EDA: variants seen among roughly 807,000 people sequenced by gnomAD.
EDA encodes the protein ectodysplasin A.
A neutral mutation model predicts 23.6 loss-of-function variants in EDA; 2 were observed. The observed-to-expected ratio is 0.08, with a 90% CI of 0.03 to 0.27. EDA has a LOEUF of 0.27. EDA is among the 10% of genes least tolerant of loss of function. EDA has a pLI of 1.00. For missense variants in EDA, 229 were observed against 324.2 expected (o/e 0.71, Z 2.26); for synonymous variants, 131 against 132.0 (o/e 0.99, Z 0.05).
intron 1 of EDA, among the ~76,000 whole-genome samples, chrX:69,702,070 G>A (rs1169074264): frequency 9.0e-6 from 1 of 111,646 alleles, no homozygotes; most frequent in Non-Finnish European, 1.9e-5. Context: ...ATAAGAGGTA[G>A]GGTCTTCTGG....
chrX:69,977,197 G>A (rs902761045), intron 2 of EDA, among the ~76,000 whole-genome samples: 10 of 111,941 alleles, frequency 8.9e-5, no homozygotes, highest in African/African-American at 3.2e-4. Context: ...TCCTTTTGCA[G>A]GGAAATGGCA....
intron 1 of EDA, among the ~76,000 whole-genome samples, chrX:69,658,453 C>T (rs769705472): frequency 2.2e-4 from 24 of 111,000 alleles, no homozygotes; most frequent in African/African-American, 7.5e-4. Context: ...ATTTGACTTA[C>T]TCTTTTTCTA....
chrX:69,635,566 C>CTTTTTTTTTTTT (rs138087284), intron 1 of EDA, among the ~76,000 whole-genome samples: 2 of 63,465 alleles, frequency 3.2e-5, no homozygotes, highest in African/African-American at 7.4e-5. Flanking sequence ...AACACCAAAT[C>CTTTTTTTTTTTT]TTTTTTTTTT....
intron 1 of EDA, among the ~76,000 whole-genome samples, chrX:69,736,282 G>T (rs1273163169): frequency 9.0e-6 from 1 of 111,136 alleles, no homozygotes; most frequent in Non-Finnish European, 1.9e-5. Flanking sequence ...TCCGGCCTGG[G>T]CAACAAGAGC....
intron 1 of EDA, among the ~76,000 whole-genome samples, chrX:69,634,674 T>TG (rs201418517): frequency 0.06 from 6,592 of 109,404 alleles, 201 homozygotes; most frequent in Non-Finnish European, 0.089. Flanking sequence ...GGCTTTCTTA[T>TG]TTTTTTTTCC....
chrX:69,791,833 G>A (rs1015622631), intron 1 of EDA, among the ~76,000 whole-genome samples: 2 of 111,293 alleles, frequency 1.8e-5, no homozygotes, highest in Non-Finnish European at 3.8e-5. Flanking sequence ...TAGTAGAGAC[G>A]GGGTTTCTCC....
intron 3 of EDA, 33 bp downstream of exon 3, chrX:70,023,274 G>T (rs1371323579): frequency 9.6e-7 from 1 of 1,040,272 alleles, no homozygotes; most frequent in Non-Finnish European, 1.3e-6. Context: ...TTGCTGTCTT[G>T]TCATATATTT....
intron 1 of EDA, among the ~76,000 whole-genome samples, chrX:69,642,599 A>G (rs1013484482): frequency 3.6e-5 from 4 of 111,519 alleles, no homozygotes; most frequent in African/African-American, 9.7e-5. Context: ...AAAGCTTTGA[A>G]TTATTATTAT....
intron 1 of EDA, among the ~76,000 whole-genome samples, chrX:69,827,773 G>A (rs185009646): frequency 1.3e-4 from 15 of 111,735 alleles, no homozygotes; most frequent in African/African-American, 4.2e-4. Flanking sequence ...GAGGAGAGGC[G>A]CTCTGCTTTT....
At chrX:69,975,550 A>G (rs766336344) in intron 2 of EDA, among the ~76,000 whole-genome samples, 1 of 111,215 alleles carries the variant, frequency 9.0e-6, no homozygotes, top group Non-Finnish European at 1.9e-5. Flanking sequence ...GATGGAATCA[A>G]TTTTGCTACA....
chrX:69,858,706 T>C (rs1353625999), intron 1 of EDA, among the ~76,000 whole-genome samples: 2 of 112,306 alleles, frequency 1.8e-5, no homozygotes, highest in Non-Finnish European at 3.8e-5. Context: ...TTTGATGTTA[T>C]CTCTGTCAGG....
At chrX:69,785,776 C>T (rs1217530922) in intron 1 of EDA, among the ~76,000 whole-genome samples, 1 of 105,511 alleles carries the variant, frequency 9.5e-6, no homozygotes, top group Non-Finnish European at 2.0e-5. Context: ...TGTCTCTGCC[C>T]GGCTTTGGTA....
At chrX:69,672,203 G>A (rs994995919) in intron 1 of EDA, among the ~76,000 whole-genome samples, 5 of 111,250 alleles carry the variant, frequency 4.5e-5, no homozygotes, top group Non-Finnish European at 9.4e-5. Context: ...TTAGAGTTGT[G>A]GGGGGGACTT....
At chrX:69,691,158 G>A (rs904972050) in intron 1 of EDA, among the ~76,000 whole-genome samples, 1 of 111,902 alleles carries the variant, frequency 8.9e-6, no homozygotes, top group African/African-American at 3.2e-5. Context: ...CTGACAGTGT[G>A]TTCCTGGCCA....
intron 2 of EDA, among the ~76,000 whole-genome samples, chrX:69,966,902 T>C (rs1320679917): frequency 1.8e-5 from 2 of 109,315 alleles, no homozygotes; most frequent in African/African-American, 6.6e-5. Flanking sequence ...TAGAGAAAGA[T>C]TTTAACATAT....
intron 1 of EDA, among the ~76,000 whole-genome samples, chrX:69,823,059 G>T (rs768052260): frequency 1.0e-5 from 1 of 97,814 alleles, no homozygotes. Flanking sequence ...GTATTCCATG[G>T]TGTATATGTG....
At chrX:69,968,700 T>C (rs746101285) in intron 2 of EDA, among the ~76,000 whole-genome samples, 34 of 112,444 alleles carry the variant, frequency 3.0e-4, no homozygotes, top group Middle Eastern at 4.2e-3. Context: ...TGTATAATGG[T>C]TCTTAACACT....
At chrX:69,851,185 A>C (rs866276309) in intron 1 of EDA, among the ~76,000 whole-genome samples, 1 of 67,005 alleles carries the variant, frequency 1.5e-5, no homozygotes, top group Admixed American at 1.6e-4. Flanking sequence ...GTGTGTGTGC[A>C]CGTGTGTGTA....
At chrX:69,746,742 G>A (rs749873025) in intron 1 of EDA, among the ~76,000 whole-genome samples, 19 of 110,620 alleles carry the variant, frequency 1.7e-4, no homozygotes, top group African/African-American at 4.6e-4. Context: ...TTTGCCCTCC[G>A]CACCAAAATA....
Sources: allele counts gnomAD v4.1 joint callset (sites outside exome capture counted in the v4.1 genomes callset), GRCh38; gene constraint gnomAD v4.1.1; transcripts MANE v1.5; gene names NCBI Gene and HGNC (gene_info 2026-07-23, HGNC 2026-07-21).